AUTS2: variants seen among roughly 807,000 people sequenced by gnomAD.
The protein encoded by AUTS2 is autism susceptibility gene 2 protein.
Under a neutral mutation model 112.4 loss-of-function variants are expected in AUTS2, and 17 were observed. The observed-to-expected ratio is 0.15, with a 90% CI of 0.10 to 0.23. The LOEUF (loss-of-function observed/expected upper bound fraction) is 0.23, where lower values mean the gene tolerates loss of function less well. Among genes scored for constraint, AUTS2 ranks in the 10% least tolerant of loss-of-function variants. The pLI, the probability that AUTS2 is intolerant of heterozygous loss-of-function variation, is 1.00. For synonymous variants in AUTS2, 751 were observed against 702.7 expected, an observed-to-expected ratio of 1.07 and a Z score of -1.09; for missense variants, 1,510 against 1,701.6, an observed-to-expected ratio of 0.89 and a Z score of 1.98.
At chr7:69,720,983 C>A (rs989445341) in intron 1 of AUTS2, among the ~76,000 whole-genome samples, 3 of 152,150 alleles carry the variant, frequency 2.0e-5, no homozygotes, top group Non-Finnish European at 4.4e-5. Flanking sequence ...AAAAGACTTA[C>A]ACAGCAGCAA....
At chr7:70,109,351 TTG>T (rs1241288746) in intron 2 of AUTS2, among the ~76,000 whole-genome samples, 1 of 152,208 alleles carries the variant, frequency 6.6e-6, no homozygotes, top group Non-Finnish European at 1.5e-5. Context: ...TGTATGTGTA[TTG>T]TGTGTGAATT....
At chr7:69,943,104 T>G (rs1044384514) in intron 2 of AUTS2, among the ~76,000 whole-genome samples, 2 of 152,248 alleles carry the variant, frequency 1.3e-5, no homozygotes, top group Non-Finnish European at 2.9e-5. Flanking sequence ...ATGTATGTAT[T>G]CACACAGAGC....
chr7:69,883,130 A>G (rs1226905168), intron 1 of AUTS2, among the ~76,000 whole-genome samples: 2 of 152,196 alleles, frequency 1.3e-5, no homozygotes, highest in African/African-American at 4.8e-5. Context: ...ACTCAGATGT[A>G]ACCGCCACCA....
intron 1 of AUTS2, among the ~76,000 whole-genome samples, chr7:69,620,021 A>G (rs1013583662): frequency 2.0e-5 from 3 of 152,218 alleles, no homozygotes; most frequent in Non-Finnish European, 1.5e-5. Flanking sequence ...GCCTTCATGA[A>G]TCTACTTCTT....
chr7:69,627,590 CA>C (rs1158640249), intron 1 of AUTS2, among the ~76,000 whole-genome samples: 2 of 152,160 alleles, frequency 1.3e-5, no homozygotes, highest in African/African-American at 2.4e-5. Context: ...ATAATAGGTA[CA>C]GGGGCATTTC....
Position 70,117,984 on chromosome 7 carries a change from G to A in AUTS2, c.523-148G>A, listed in dbSNP as rs986052431. The A allele has an allele frequency of 4.9e-5, 49 of 1,007,362 alleles. No homozygotes were observed. The Admixed American group carries it at 9.4e-4, about 19-fold the overall frequency. 62.4% of individuals were successfully genotyped at this position (1,007,362 alleles called of 1,614,324 possible). A position where few individuals can be genotyped will look rare whatever the true frequency, so the allele number is the denominator to read the frequency against. ...AGGCTGGTCTCAAACTCCTAACCTC[G>A]TGATCCTCCTACCTCTGCCTCCGAA... is the stretch of plus-strand genomic sequence containing the variant. On this transcript the variant is annotated intron_variant, in intron 2 of 18. Transcript: ENST00000342771.
chr7:69,737,210 G>T (rs1453333009), intron 1 of AUTS2, among the ~76,000 whole-genome samples: 2 of 151,716 alleles, frequency 1.3e-5, no homozygotes, highest in Non-Finnish European at 2.9e-5. Flanking sequence ...TGTATAGATT[G>T]TTTTTTTTGT....
intron 4 of AUTS2, among the ~76,000 whole-genome samples, chr7:70,214,479 T>C (rs1811073268): frequency 6.6e-6 from 1 of 152,262 alleles, no homozygotes; most frequent in African/African-American, 2.4e-5. Context: ...ATACAACACA[T>C]GTTCCACAAA....
chr7:70,472,973 G>T (rs1443879390), intron 5 of AUTS2, among the ~76,000 whole-genome samples: 1 of 152,220 alleles, frequency 6.6e-6, no homozygotes, highest in Non-Finnish European at 1.5e-5. Context: ...GCTACAAGAT[G>T]TATGTCCTTC....
At chr7:70,552,544 C>T (rs1341166204) in intron 5 of AUTS2, among the ~76,000 whole-genome samples, 1 of 152,132 alleles carries the variant, frequency 6.6e-6, no homozygotes, top group Non-Finnish European at 1.5e-5. Flanking sequence ...TTTGTTTTTG[C>T]TTTGAACTCA....
intron 2 of AUTS2, among the ~76,000 whole-genome samples, chr7:70,100,838 G>A (rs1804448440): frequency 6.6e-6 from 1 of 152,082 alleles, no homozygotes; most frequent in African/African-American, 2.4e-5. Flanking sequence ...ATGAAGGATA[G>A]GTAATCACAG....
chr7:69,646,453 G>A (rs1479840891), intron 1 of AUTS2, among the ~76,000 whole-genome samples: 1 of 152,206 alleles, frequency 6.6e-6, no homozygotes, highest in Non-Finnish European at 1.5e-5. Context: ...GTATGTCTGT[G>A]TGGATTATAG....
At chr7:70,499,821 C>G (rs1798701676) in intron 5 of AUTS2, among the ~76,000 whole-genome samples, 1 of 152,138 alleles carries the variant, frequency 6.6e-6, no homozygotes, top group African/African-American at 2.4e-5. Context: ...CTGCAGGCTC[C>G]CAGATGTAGA....
intron 4 of AUTS2, among the ~76,000 whole-genome samples, chr7:70,235,691 G>A (rs1812289168): frequency 6.8e-6 from 1 of 147,174 alleles, no homozygotes; most frequent in African/African-American, 2.5e-5. Context: ...TCACACTGTT[G>A]CCTGGGCTGG....
chr7:69,951,724 G>A (rs1231583474), intron 2 of AUTS2, among the ~76,000 whole-genome samples: 1 of 152,166 alleles, frequency 6.6e-6, no homozygotes, highest in African/African-American at 2.4e-5. Context: ...TGTGGGACTT[G>A]CACTGTGAAG....
In AUTS2 at chr7:70,536,572, CTTTTTTTTTTTTT is replaced by C. The variant is rs34639179; in HGVS notation, c.690+100805_690+100817del. Reference sequence around the variant, plus strand: ...TCTGCTGATATGCTAGAAGCCAAGGCTTTTTTTTTTTTTTTTTTTTTTTTTTCAGTAGAAGAAT... The same window carrying C: ...TCTGCTGATATGCTAGAAGCCAAGGCTTTTTTTTTTTTTCAGTAGAAGAAT... On this transcript the variant is annotated intron_variant, in intron 5 of 18. Transcript: ENST00000342771. Among the ~76,000 whole-genome samples, 2 of 49,048 alleles carry C rather than the reference CTTTTTTTTTTTTT, an allele frequency of 4.1e-5. 1 individual carries two copies. Among genetic ancestry groups the C allele is most frequent in the South Asian group, 1.5e-3 (2 of 1,322 alleles). The allele number at this position is 49,048 out of a possible 152,430, so 32.2% of individuals were successfully genotyped here.
At chr7:70,182,809 C>T (rs1809389616) in intron 4 of AUTS2, among the ~76,000 whole-genome samples, 1 of 151,998 alleles carries the variant, frequency 6.6e-6, no homozygotes, top group East Asian at 1.9e-4. Context: ...ACCATATTCT[C>T]ACCTTAGTAG....
chr7:69,902,942 T>C (rs1283662696), intron 2 of AUTS2, among the ~76,000 whole-genome samples: 2 of 152,212 alleles, frequency 1.3e-5, no homozygotes, highest in African/African-American at 4.8e-5. Flanking sequence ...TGAATACTTT[T>C]CTTACTTCCC....
chr7:70,005,956 A>G (rs1462930078), intron 2 of AUTS2, among the ~76,000 whole-genome samples: 1 of 152,138 alleles, frequency 6.6e-6, no homozygotes, highest in Non-Finnish European at 1.5e-5. Flanking sequence ...GATTGTGTAT[A>G]TATTGTGTAT....
Sources: allele counts gnomAD v4.1 joint callset (sites outside exome capture counted in the v4.1 genomes callset), GRCh38; gene constraint gnomAD v4.1.1; transcripts MANE v1.5; gene names NCBI Gene and HGNC (gene_info 2026-07-23, HGNC 2026-07-21).